Variants in PIEZO1 observed in about 807,000 individuals in gnomAD.
PIEZO1 encodes piezo type mechanosensitive ion channel component 1 (Er blood group).
A neutral mutation model predicts 297.2 loss-of-function variants in PIEZO1; 296 were observed. The observed-to-expected ratio is 1.00, with a 90% CI of 0.91 to 1.10. PIEZO1 has a LOEUF of 1.10. Ranked by LOEUF, PIEZO1 falls within the 50% of genes least tolerant of loss-of-function variation. PIEZO1 has a pLI of 0.00. For synonymous variants in PIEZO1, 2,427 were observed against 1,507.5 expected (o/e 1.61, Z -14.13); for missense variants, 5,018 against 3,455.5 (o/e 1.45, Z -11.34).
chr16:88,718,086 C>T (rs1249572892), intron 44 of PIEZO1: 1 of 236,266 alleles, frequency 4.2e-6, no homozygotes, highest in Non-Finnish European at 8.5e-6. Context: ...CCCAACTAAA[C>T]TATGGAGAAA....
intron 2 of PIEZO1, chr16:88,743,802 C>A: frequency 2.6e-6 from 1 of 388,626 alleles, no homozygotes; most frequent in Non-Finnish European, 5.2e-6. Context: ...CTCACACTCA[C>A]ACCTTCCTAG....
At chr16:88,780,313 G>A (rs1907870979) in intron 1 of PIEZO1, among the ~76,000 whole-genome samples, 1 of 152,176 alleles carries the variant, frequency 6.6e-6, no homozygotes, top group South Asian at 2.1e-4. Context: ...AGGCTCAACA[G>A]CCGCACCCTG....
In PIEZO1 at chr16:88,741,993, C is replaced by A. The variant is rs369019520; in HGVS notation, c.326+60G>T. On this transcript the variant is annotated intron_variant, in intron 4 of 50. Transcript: ENST00000301015. ...CTGTCCCTCCTGGGTCCCCCCACTT[C>A]CTGGGGCCTGAAATCCCCAAGGGAG... is the stretch of plus-strand genomic sequence containing the variant. 2.8e-5 allele frequency: 43 copies of A among 1,510,466 alleles called. 1 individual carries two copies. The Middle Eastern group carries it at 1.1e-3, about 37-fold the overall frequency. 93.6% of individuals were successfully genotyped at this position (1,510,466 alleles called of 1,614,324 possible).
intron 23 of PIEZO1, 105 bp from the exon 24 acceptor site, chr16:88,727,297 T>A: frequency 7.7e-7 from 1 of 1,297,562 alleles, no homozygotes; most frequent in Admixed American, 2.7e-5. Flanking sequence ...GTGCAGCCGC[T>A]GGGAGCGGAC....
At chr16:88,772,070 A>G (rs1597486834) in intron 1 of PIEZO1, among the ~76,000 whole-genome samples, 1 of 120,000 alleles carries the variant, frequency 8.3e-6, no homozygotes, top group South Asian at 2.8e-4. Context: ...CCCACCTGAG[A>G]CTCTATGCCT....
chr16:88,749,063 C>T (rs969188494), intron 2 of PIEZO1, among the ~76,000 whole-genome samples: 9 of 151,652 alleles, frequency 5.9e-5, no homozygotes, highest in South Asian at 2.1e-4. Context: ...CGGTGAAACC[C>T]CGTCTCTACT....
chr16:88,741,955 T>A, intron 4 of PIEZO1, 98 bp downstream of exon 4: 4 of 1,354,904 alleles, frequency 3.0e-6, no homozygotes, highest in Non-Finnish European at 3.0e-6. Flanking sequence ...TGGATGAGTC[T>A]CCAGGTCCCC....
chr16:88,722,343 G>A lies in PIEZO1; in HGVS notation c.4830C>T (p.Pro1610=). ...TGCGCGTGTGGTAGCCGGTGCTCAG[G>A]GGGCTGCCCATGTCGTCTGTCATGC... ...LSSMTDDMGS[P]LSTGYHTRSG... The change falls in exon 36 of 51, where the codon CCC becomes CCT. Residue 1610 remains proline (P), a synonymous_variant. Coordinates refer to ENST00000301015, the MANE Select transcript of PIEZO1 (RefSeq NM_001142864.4). 6.5e-7 allele frequency: 1 copy of A among 1,538,822 alleles called. No homozygotes were observed. Among genetic ancestry groups the A allele is most frequent in the Non-Finnish European group, 8.8e-7 (1 of 1,141,618 alleles).
chr16:88,760,761 A>G (rs28642110), intron 1 of PIEZO1, among the ~76,000 whole-genome samples: 7,404 of 152,310 alleles, frequency 0.049, 464 homozygotes, highest in African/African-American at 0.14. Context: ...GAGGGGAGCC[A>G]CCCGCCTTCG....
chr16:88,780,777 G>C (rs929243198), intron 1 of PIEZO1, among the ~76,000 whole-genome samples: 11 of 152,168 alleles, frequency 7.2e-5, no homozygotes, highest in African/African-American at 2.4e-4. Context: ...CCTGGCCAAA[G>C]TGGTGAAACC....
At chr16:88,734,222 C>A in intron 16 of PIEZO1, 134 bp downstream of exon 16, 2 of 1,182,652 alleles carry the variant, frequency 1.7e-6, no homozygotes, top group Admixed American at 2.8e-5. Flanking sequence ...CTACTGCCAT[C>A]CCCTTGGTAT....
chr16:88,721,874 C>T lies in PIEZO1; in HGVS notation c.5148G>A (p.Leu1716=), dbSNP rs375856338. 5.8e-6 allele frequency: 9 copies of T among 1,550,052 alleles called. No homozygotes were observed. Among genetic ancestry groups the T allele is most frequent in the East Asian group, 2.4e-5 (1 of 40,902 alleles). ...GSLVLPVLVF[L]WAMLSIPRPS... Reference sequence around the variant, plus strand: ...GCCTCGGGATCGACAGCATGGCCCACAGGAAGACGAGCACGGGCAGCACCA... The same window carrying T: ...GCCTCGGGATCGACAGCATGGCCCATAGGAAGACGAGCACGGGCAGCACCA... Residue 1716 remains leucine, a synonymous_variant, in exon 37 of 51, where the codon CTG becomes CTA. Coordinates refer to ENST00000301015, the MANE Select transcript of PIEZO1 (RefSeq NM_001142864.4).
intron 22 of PIEZO1, 152 bp from the exon 23 acceptor site, chr16:88,727,813 A>C: frequency 2.2e-6 from 1 of 448,080 alleles, no homozygotes. Flanking sequence ...TGACAGCTCT[A>C]GTGTCCTGTG....
At chr16:88,763,975 C>T (rs763850956) in intron 1 of PIEZO1, among the ~76,000 whole-genome samples, 7 of 152,076 alleles carry the variant, frequency 4.6e-5, no homozygotes, top group African/African-American at 1.4e-4. Flanking sequence ...GTTGGAAGCC[C>T]GTGGTTCAGA....
Position 88,735,260 on chromosome 16 carries a change from A to G in PIEZO1, c.1558-14T>C, listed in dbSNP as rs1905132933. The G allele has an allele frequency of 6.6e-7, 1 of 1,521,330 alleles. No individual in the cohort carries two copies. Among genetic ancestry groups the G allele is most frequent in the Admixed American group, 2.0e-5 (1 of 50,954 alleles). 94.2% of individuals were successfully genotyped at this position (1,521,330 alleles called of 1,614,324 possible). A position where few individuals can be genotyped will look rare whatever the true frequency, so the allele number is the denominator to read the frequency against. ...GGTGTAGAGCAACTGTGACAAGCGC[A>G]GGGTGTCACAGTCAGCCGGGGGGCC... On this transcript the variant is annotated splice_polypyrimidine_tract_variant and intron_variant, in intron 12 of 50. Coordinates refer to ENST00000301015, the MANE Select transcript of PIEZO1 (RefSeq NM_001142864.4).
At position 88,726,484 on chromosome 16, in the gene PIEZO1, G is replaced by A. The variant is rs755243820; in HGVS notation, c.3797-29C>T. The A allele has an allele frequency of 5.1e-5, 79 of 1,548,178 alleles. 1 individual carries two copies. Among genetic ancestry groups the A allele is most frequent in the South Asian group, 3.2e-4 (27 of 83,964 alleles). On this transcript the variant is annotated intron_variant, in intron 26 of 50. Transcript: ENST00000301015. ...CAAGGCAGGCACCGGCAAGGGTCAG[G>A]CCCAGGGCCCAGGAGCAGGGGGCTT... is the stretch of plus-strand genomic sequence containing the variant.
intron 1 of PIEZO1, among the ~76,000 whole-genome samples, chr16:88,760,582 G>T (rs148155588): frequency 2.0e-5 from 3 of 152,200 alleles, no homozygotes; most frequent in Non-Finnish European, 2.9e-5. Flanking sequence ...GGAACGACCC[G>T]CCTTTAAGGC....
chr16:88,780,408 C>A (rs1410312055), intron 1 of PIEZO1, among the ~76,000 whole-genome samples: 1 of 152,178 alleles, frequency 6.6e-6, no homozygotes. Context: ...AGGGGGGGTC[C>A]CACCTCACAG....
Position 88,716,182 on chromosome 16 carries a change from C to A in PIEZO1, c.7129+16G>T, listed in dbSNP as rs1209894390. ...ACCCCTCTCTAGCCTCCCCCAACCC[C>A]CACGCCCATACTCACTGGGCTGCAG... On this transcript the variant is annotated intron_variant, in intron 49 of 50. Coordinates refer to ENST00000301015, the MANE Select transcript of PIEZO1 (RefSeq NM_001142864.4). 2 of 1,511,388 alleles carry A rather than the reference C, an allele frequency of 1.3e-6. No homozygotes were observed. Among genetic ancestry groups the A allele is most frequent in the Non-Finnish European group, 1.8e-6 (2 of 1,124,222 alleles). The allele number at this position is 1,511,388 out of a possible 1,614,324, so 93.6% of individuals were successfully genotyped here.
Sources: allele counts gnomAD v4.1 joint callset (sites outside exome capture counted in the v4.1 genomes callset), GRCh38; gene constraint gnomAD v4.1.1; transcripts MANE v1.5; gene names NCBI Gene and HGNC (gene_info 2026-07-23, HGNC 2026-07-21).